The following E2F3 variants were observed in gnomAD, a reference collection of about 807,000 sequenced individuals.
The protein encoded by E2F3 is E2F transcription factor 3.
In E2F3, 11 loss-of-function variants were observed where a neutral mutation model predicts 44.4. That is an observed-to-expected ratio of 0.25 (90% CI 0.16 to 0.41). The LOEUF is 0.41. Among genes scored for constraint, E2F3 ranks in the 10% least tolerant of loss-of-function variants. The probability of loss-of-function intolerance (pLI) is 1.00; values close to 1 mark genes in which losing one functional copy is unlikely to be tolerated. For missense variants in E2F3, 487 were observed against 583.6 expected (o/e 0.83, Z 1.70); for synonymous variants, 249 against 253.0 (o/e 0.98, Z 0.15).
At chr6:20,451,162 A>G (rs528946709) in intron 1 of E2F3, among the ~76,000 whole-genome samples, 1 of 152,292 alleles carries the variant, frequency 6.6e-6, no homozygotes, top group East Asian at 1.9e-4. Flanking sequence ...AGTTCTGTGA[A>G]GAATGTTGTT....
At chr6:20,482,262 T>A (rs1031888078) in intron 3 of E2F3, among the ~76,000 whole-genome samples, 1 of 152,086 alleles carries the variant, frequency 6.6e-6, no homozygotes, top group Non-Finnish European at 1.5e-5. Flanking sequence ...TCCTTTACTT[T>A]CTTTTCTTTT....
At chr6:20,412,326 C>G (rs1006368627) in intron 1 of E2F3, among the ~76,000 whole-genome samples, 5 of 151,960 alleles carry the variant, frequency 3.3e-5, no homozygotes, top group African/African-American at 1.2e-4. Flanking sequence ...CTAGGCCCCA[C>G]CCAGACCAAT....
At chr6:20,437,740 C>G (rs909171190) in intron 1 of E2F3, 5 of 152,150 alleles carry the variant, frequency 3.3e-5, no homozygotes, top group Admixed American at 2.6e-4. Context: ...GAAACTGAAC[C>G]CTTTTAGGTT....
chr6:20,493,076 A>G lies in E2F3; in HGVS notation c.*2646A>G, dbSNP rs570309015. 2.1e-4 allele frequency: 46 copies of G among 218,730 alleles called. No individual in the cohort carries two copies. Among genetic ancestry groups the G allele is most frequent in the Middle Eastern group, 1.5e-3 (1 of 686 alleles). 13.5% of individuals were successfully genotyped at this position (218,730 alleles called of 1,614,324 possible). On this transcript the variant is annotated 3_prime_UTR_variant, in exon 7 of 7. Coordinates refer to ENST00000346618, the MANE Select transcript of E2F3 (RefSeq NM_001949.5). ...TATATGTACAGAGTTGTGCATAGCA[A>G]TCGTTTTATTTAAGTTGATATGTAG... is the stretch of plus-strand genomic sequence containing the variant.
At position 20,490,148 on chromosome 6, in the gene E2F3, C is replaced by A; in HGVS notation, c.1136-20C>A. 1.3e-6 allele frequency: 2 copies of A among 1,543,416 alleles called. No homozygotes were observed. The highest frequency in any genetic ancestry group is 1.7e-6 in the Non-Finnish European group (2 of 1,145,262). On this transcript the variant is annotated intron_variant, in intron 6 of 6. Coordinates refer to ENST00000346618, the MANE Select transcript of E2F3 (RefSeq NM_001949.5). The surrounding 1 kb of genome is among the most constrained non-coding windows in gnomAD (Gnocchi z 4.3). ...ATTTTTCTAACTTATTTTTTGTTTC[C>A]ATCAATGTTTTCTTTTCAGACTTGG...
intron 1 of E2F3, among the ~76,000 whole-genome samples, chr6:20,407,712 A>G (rs897980025): frequency 6.6e-6 from 1 of 152,234 alleles, no homozygotes; most frequent in Non-Finnish European, 1.5e-5. Flanking sequence ...TCAAGTACTC[A>G]TAGTTAATTT....
At chr6:20,488,347 T>C in intron 6 of E2F3, 99 bp downstream of exon 6, 1 of 1,357,134 alleles carries the variant, frequency 7.4e-7, no homozygotes, top group Non-Finnish European at 9.9e-7. Context: ...AAACACAAAC[T>C]TCTATTGGTA....
intron 3 of E2F3, among the ~76,000 whole-genome samples, 163 bp from the exon 4 acceptor site, chr6:20,482,599 A>AAT (rs148425868): frequency 0.055 from 7,362 of 134,368 alleles, 287 homozygotes; most frequent in South Asian, 0.08. Context: ...TGAAAAAAAA[A>AAT]ATATATATAT....
intron 1 of E2F3, chr6:20,439,836 A>C (rs1760715510): frequency 2.0e-5 from 3 of 152,010 alleles, no homozygotes; most frequent in Admixed American, 2.0e-4. Flanking sequence ...CCCTCCTCCA[A>C]TTTTTTCTTA....
chr6:20,447,525 C>T (rs1760988498), intron 1 of E2F3, among the ~76,000 whole-genome samples: 1 of 149,826 alleles, frequency 6.7e-6, no homozygotes, highest in Admixed American at 6.6e-5. Flanking sequence ...CACCACACTA[C>T]ACTACTCTCA....
chr6:20,490,329 G>A lies in E2F3; in HGVS notation c.1297G>A (p.Asp433Asn). The change falls in exon 7 of 7, where the codon GAC (aspartate) becomes AAC (asparagine). Residue 433 changes from aspartate to asparagine, a missense_variant. Physicochemically the swap from Asp to Asn is conservative, Grantham distance 23. This residue lies in a region of E2F3 where 220 missense variants were observed against 261.7 expected (regional missense o/e 0.84). Transcript: ENST00000346618. The surrounding 1 kb of genome is among the most constrained non-coding windows in gnomAD (Gnocchi z 4.3). ...CTTACTGCCTCCCCTGCTGCAAGAG[G>A]ACTATCTCCTGAGCCTCGGGGAGGA... Reference protein sequence around the residue: ...VNLLPPLLQEDYLLSLGEEEG... With the variant: ...VNLLPPLLQENYLLSLGEEEG... 6.2e-7 allele frequency: 1 copy of A among 1,614,044 alleles called. No individual in the cohort carries two copies. Among genetic ancestry groups the A allele is most frequent in the Non-Finnish European group, 8.5e-7 (1 of 1,179,984 alleles).
intron 1 of E2F3, among the ~76,000 whole-genome samples, chr6:20,420,512 A>G (rs1486370372): frequency 6.6e-6 from 1 of 152,122 alleles, no homozygotes; most frequent in Non-Finnish European, 1.5e-5. Context: ...CTGATTCCAG[A>G]GCACAGCAAT....
At chr6:20,471,223 C>T (rs771260912) in intron 1 of E2F3, among the ~76,000 whole-genome samples, 1 of 152,126 alleles carries the variant, frequency 6.6e-6, no homozygotes, top group Non-Finnish European at 1.5e-5. Context: ...TTATTAATTA[C>T]ATAACATTTC....
At chr6:20,473,185 T>C (rs943879425) in intron 1 of E2F3, among the ~76,000 whole-genome samples, 2 of 152,242 alleles carry the variant, frequency 1.3e-5, no homozygotes, top group Non-Finnish European at 2.9e-5. Context: ...ATTTATTATA[T>C]GTAAAGAAGA....
In E2F3 at chr6:20,402,063, G is replaced by C; in HGVS notation, c.-170G>C. ...AGAGCCCCGATTATTTTTGGCCCCC[G>C]GGGCCTGTGCGGTGCGGAAAAATAA... On this transcript the variant is annotated 5_prime_UTR_variant, in exon 1 of 7. Transcript: ENST00000346618. The surrounding 1 kb of genome is among the most constrained non-coding windows in gnomAD (Gnocchi z 5.6). 8.3e-7 allele frequency: 1 copy of C among 1,204,806 alleles called. No individual in the cohort carries two copies. The highest frequency in any genetic ancestry group is 1.1e-6 in the Non-Finnish European group (1 of 915,812). The allele number at this position is 1,204,806 out of a possible 1,614,324, so 74.6% of individuals were successfully genotyped here. A position where few individuals can be genotyped will look rare whatever the true frequency, so the allele number is the denominator to read the frequency against.
intron 1 of E2F3, among the ~76,000 whole-genome samples, chr6:20,438,310 TTTTGGATACTCTAA>T (rs1316600154): frequency 2.0e-5 from 3 of 152,230 alleles, no homozygotes; most frequent in Non-Finnish European, 4.4e-5. Context: ...TTGTTTCAAA[TTTTGGATACTCTAA>T]TTTGCATAAT....
At chr6:20,404,143 GCT>G (rs1165088177) in intron 1 of E2F3, among the ~76,000 whole-genome samples, 4 of 133,826 alleles carry the variant, frequency 3.0e-5, no homozygotes, top group East Asian at 2.5e-4. Context: ...GCCGAGTTGA[GCT>G]CTGTTTTCTG....
At chr6:20,403,587 G>C in intron 1 of E2F3, 2 of 456,580 alleles carry the variant, frequency 4.4e-6, no homozygotes. Flanking sequence ...GCGGGAGGGG[G>C]CGCTGGAGGG....
intron 1 of E2F3, among the ~76,000 whole-genome samples, chr6:20,469,887 C>T (rs772394595): frequency 3.5e-4 from 53 of 152,136 alleles, no homozygotes; most frequent in Non-Finnish European, 6.8e-4. Context: ...TCTGCACTTA[C>T]CTCTCACTGT....
Sources: allele counts gnomAD v4.1 joint callset (sites outside exome capture counted in the v4.1 genomes callset), GRCh38; gene constraint gnomAD v4.1.1; regional missense constraint gnomAD v4.1.1; non-coding constraint Gnocchi (gnomAD v3.1); transcripts MANE v1.5; gene names NCBI Gene and HGNC (gene_info 2026-07-23, HGNC 2026-07-21).